Variants in RTF1 observed in about 807,000 individuals in gnomAD.
RTF1 encodes RTF1 homolog, Paf1/RNA polymerase II complex component, also known as RNA polymerase-associated protein RTF1 homolog.
RTF1 carries 10 observed loss-of-function variants against 95.7 expected under a neutral mutation model. That is an observed-to-expected ratio of 0.10 (90% CI 0.06 to 0.18). The LOEUF is 0.18. RTF1 is among the 10% of genes least tolerant of loss of function. The pLI, the probability that RTF1 is intolerant of heterozygous loss-of-function variation, is 1.00. For missense variants in RTF1, 458 were observed against 875.6 expected, an observed-to-expected ratio of 0.52 and a Z score of 6.02; for synonymous variants, 305 against 311.8, an observed-to-expected ratio of 0.98 and a Z score of 0.23.
intron 8 of RTF1, among the ~76,000 whole-genome samples, chr15:41,472,622 G>A (rs184606884): frequency 4.6e-5 from 7 of 151,248 alleles, no homozygotes; most frequent in East Asian, 2.0e-4. Flanking sequence ...GGGTTCAAGC[G>A]ATTCTCATGC....
chr15:41,439,729 G>A (rs4924546), intron 2 of RTF1, among the ~76,000 whole-genome samples: 6,087 of 152,202 alleles, frequency 0.04, 176 homozygotes, highest in Middle Eastern at 0.099. Flanking sequence ...TCGGCTCACT[G>A]CAACCTCTGC....
intron 9 of RTF1, 130 bp from the exon 10 acceptor site, chr15:41,475,395 T>C (rs527636905): frequency 3.3e-4 from 232 of 697,742 alleles, no homozygotes; most frequent in Admixed American, 5.1e-4. Context: ...GGGATGATTT[T>C]ATAGGGTAGC....
intron 4 of RTF1, among the ~76,000 whole-genome samples, chr15:41,462,771 A>T (rs1347547338): frequency 2.0e-5 from 3 of 151,988 alleles, no homozygotes; most frequent in Non-Finnish European, 4.4e-5. Context: ...TGTTGTTGTT[A>T]TCAAGACAGG....
chr15:41,443,789 C>T (rs773911975), intron 2 of RTF1, among the ~76,000 whole-genome samples: 24 of 151,912 alleles, frequency 1.6e-4, no homozygotes, highest in Non-Finnish European at 2.8e-4. Context: ...AAAATTGGGC[C>T]GGGTGCAGTG....
At position 41,417,109 on chromosome 15, in the gene RTF1, A is replaced by C; in HGVS notation, c.-7A>C. ...GGGCGGGGCCAGGGGGGCGGAGCGG[A>C]GCGCGCATGCGCGGTCGCCTTTGTG... On this transcript the variant is annotated 5_prime_UTR_variant, in exon 1 of 18. Transcript: ENST00000389629. 3.2e-6 allele frequency: 4 copies of C among 1,236,974 alleles called. No homozygotes were observed. Among genetic ancestry groups the C allele is most frequent in the Non-Finnish European group, 4.1e-6 (4 of 986,764 alleles). The allele number at this position is 1,236,974 out of a possible 1,614,324, so 76.6% of individuals were successfully genotyped here.
intron 7 of RTF1, 84 bp downstream of exon 7, chr15:41,470,476 G>C: frequency 7.0e-7 from 1 of 1,431,024 alleles, no homozygotes; most frequent in East Asian, 2.3e-5. Context: ...AAATCTCCCT[G>C]GTTGGGCCAC....
At chr15:41,429,096 G>A (rs1207586425) in intron 1 of RTF1, among the ~76,000 whole-genome samples, 1 of 152,094 alleles carries the variant, frequency 6.6e-6, no homozygotes, top group East Asian at 1.9e-4. Context: ...GCCCATGCTG[G>A]TCTCAAATTC....
intron 4 of RTF1, among the ~76,000 whole-genome samples, chr15:41,462,654 G>A (rs1344657176): frequency 6.6e-6 from 1 of 152,084 alleles, no homozygotes; most frequent in Non-Finnish European, 1.5e-5. Flanking sequence ...TAATTCTAGA[G>A]CATTTTGTCA....
chr15:41,432,576 T>C (rs2050680798), intron 1 of RTF1, among the ~76,000 whole-genome samples: 1 of 152,098 alleles, frequency 6.6e-6, no homozygotes, highest in South Asian at 2.1e-4. Flanking sequence ...ACAGTAACTT[T>C]TAACAGATGT....
At chr15:41,444,412 G>C (rs771654325) in intron 2 of RTF1, among the ~76,000 whole-genome samples, 3 of 151,840 alleles carry the variant, frequency 2.0e-5, no homozygotes, top group Non-Finnish European at 4.4e-5. Context: ...TCCTGCCTCA[G>C]CCTCTCGAGT....
rs1198621964 is a variant in RTF1, at chr15:41,477,176, G to A, written c.1572G>A (p.Glu524=). 6.2e-7 allele frequency: 1 copy of A among 1,614,100 alleles called. No individual in the cohort carries two copies. Among genetic ancestry groups the A allele is most frequent in the Non-Finnish European group, 8.5e-7 (1 of 1,180,050 alleles). Residue 524 remains glutamate (E), a synonymous_variant, in exon 13 of 18, where the codon GAG becomes GAA. Transcript: ENST00000389629. ...TQLLKEKAMA[E]DLGDQDKAKQ... is the part of the protein sequence containing the mutation. ...CTCTCTATGTGTAGGCCATGGCTGA[G>A]GACCTGGGGGATCAGGACAAGGCCA...
chr15:41,426,516 A>G (rs901220378), intron 1 of RTF1, among the ~76,000 whole-genome samples: 2 of 151,904 alleles, frequency 1.3e-5, no homozygotes, highest in Admixed American at 1.3e-4. Context: ...CATATTGGCC[A>G]GGCTGATCTC....
At chr15:41,458,032 T>C (rs912187122) in intron 4 of RTF1, among the ~76,000 whole-genome samples, 156 bp downstream of exon 4, 4 of 152,148 alleles carry the variant, frequency 2.6e-5, no homozygotes, top group Non-Finnish European at 5.9e-5. Context: ...GTATTAAATT[T>C]CAATCACATT....
At chr15:41,449,629 C>T (rs1357910139) in intron 2 of RTF1, among the ~76,000 whole-genome samples, 1 of 151,870 alleles carries the variant, frequency 6.6e-6, no homozygotes, top group Non-Finnish European at 1.5e-5. Context: ...AGGTGTGAGC[C>T]ACCACACTTG....
chr15:41,426,089 C>T (rs527890039), intron 1 of RTF1, among the ~76,000 whole-genome samples: 87 of 151,814 alleles, frequency 5.7e-4, no homozygotes, highest in Admixed American at 1.9e-3. Context: ...TTGAGATCAG[C>T]CTAGGCAACA....
chr15:41,476,428 A>G lies in RTF1; in HGVS notation c.1483-18A>G. On this transcript the variant is annotated intron_variant, in intron 11 of 17. Coordinates refer to ENST00000389629, the MANE Select transcript of RTF1 (RefSeq NM_015138.5). ...AGCTTAGGAATACCTCACTGCTGGT[A>G]TCTCCTCTCTGGTACAGATTGTAAA... The G allele has an allele frequency of 6.2e-7, 1 of 1,607,468 alleles. No individual in the cohort carries two copies. The highest frequency in any genetic ancestry group is 1.1e-5 in the South Asian group (1 of 90,834).
chr15:41,461,227 G>A (rs1046677860), intron 4 of RTF1, among the ~76,000 whole-genome samples: 1 of 151,836 alleles, frequency 6.6e-6, no homozygotes, highest in African/African-American at 2.4e-5. Context: ...ATTTTTAGCA[G>A]GGACGGGGTT....
intron 2 of RTF1, among the ~76,000 whole-genome samples, chr15:41,451,102 CA>C (rs1460879655): frequency 6.6e-6 from 1 of 151,962 alleles, no homozygotes; most frequent in Non-Finnish European, 1.5e-5. Context: ...CCCACCCCCT[CA>C]AAAAAAGATC....
chr15:41,480,722 C>A lies in RTF1; in HGVS notation c.*35C>A. The A allele has an allele frequency of 1.4e-6, 2 of 1,424,944 alleles. No individual in the cohort carries two copies. Among genetic ancestry groups the A allele is most frequent in the South Asian group, 1.1e-5 (1 of 87,074 alleles). The allele number at this position is 1,424,944 out of a possible 1,614,324, so 88.3% of individuals were successfully genotyped here. ...GCCTGCTGCTTCTGACCCTGCATGC[C>A]CCATCGCAGCGTCCCACCTTTCCTC... On this transcript the variant is annotated 3_prime_UTR_variant, in exon 18 of 18. Transcript: ENST00000389629.
Sources: allele counts gnomAD v4.1 joint callset (sites outside exome capture counted in the v4.1 genomes callset), GRCh38; gene constraint gnomAD v4.1.1; transcripts MANE v1.5; gene names NCBI Gene and HGNC (gene_info 2026-07-23, HGNC 2026-07-21).